Variants in NPY2R observed in about 807,000 individuals in gnomAD.
NPY2R encodes neuropeptide Y receptor type 2.
NPY2R carries 17 observed loss-of-function variants against 22.3 expected under a neutral mutation model. That is an observed-to-expected ratio of 0.76 (90% CI 0.52 to 1.14). The LOEUF is 1.14. Among genes scored for constraint, NPY2R ranks in the 50% most tolerant of loss-of-function variants. The pLI is 0.00. For synonymous variants in NPY2R, 209 were observed against 183.4 expected (o/e 1.14, Z -1.13); for missense variants, 424 against 467.9 (o/e 0.91, Z 0.87).
chr4:155,187,683 G>C, the NPY2R span, among the ~76,000 whole-genome samples: 2 of 151,958 alleles, frequency 1.3e-5, no homozygotes, highest in South Asian at 4.1e-4. Context: ...ATAAACACAT[G>C]GTTCATACAA....
At chr4:155,197,764 C>T in the NPY2R span, among the ~76,000 whole-genome samples, 1 of 150,858 alleles carries the variant, frequency 6.6e-6, no homozygotes, top group Non-Finnish European at 1.5e-5. Flanking sequence ...GGTCTGAGAG[C>T]AAAAACTTCA....
chr4:155,174,462 T>TTATATATATATATA, the NPY2R span, among the ~76,000 whole-genome samples: 117 of 116,600 alleles, frequency 1.0e-3, 5 homozygotes, highest in African/African-American at 4.5e-3. Flanking sequence ...TGGCTAAGCT[T>TTATATATATATATA]TATATATATA....
At chr4:155,186,654 G>A in the NPY2R span, among the ~76,000 whole-genome samples, 4 of 152,180 alleles carry the variant, frequency 2.6e-5, no homozygotes, top group East Asian at 3.9e-4. Context: ...TATAATGTTA[G>A]TAACTATACT....
chr4:155,199,044 G>C, the NPY2R span, among the ~76,000 whole-genome samples: 1 of 151,984 alleles, frequency 6.6e-6, no homozygotes, highest in African/African-American at 2.4e-5. Context: ...CAGTCTGGAA[G>C]TAGAAATTGC....
chr4:155,211,801 G>A (rs1277003257), intron 1 of NPY2R, among the ~76,000 whole-genome samples: 7 of 152,202 alleles, frequency 4.6e-5, no homozygotes, highest in Non-Finnish European at 1.0e-4. Context: ...AAGAGGTAGT[G>A]TGACCAAGGC....
chr4:155,204,217 G>A (rs201862776), upstream of NPY2R, among the ~76,000 whole-genome samples: 18 of 149,716 alleles, frequency 1.2e-4, no homozygotes, highest in East Asian at 2.5e-3. Flanking sequence ...AAAAAAAAAC[G>A]AAAAAGCTAG....
At position 155,208,810 on chromosome 4, in the gene NPY2R, C is replaced by T. The variant is rs1242419022; in HGVS notation, c.-308C>T. On this transcript the variant is annotated 5_prime_UTR_variant, in exon 1 of 2. Transcript: ENST00000329476. The surrounding 1 kb of genome is among the most constrained non-coding windows in gnomAD (Gnocchi z 5.6). ...TCCTCCCACCTTCACCCGCCCACCCCGCGAGTGAGTGCGGTGCCCAGGCGC... is the reference window on the plus strand; with the variant it reads ...TCCTCCCACCTTCACCCGCCCACCCTGCGAGTGAGTGCGGTGCCCAGGCGC... The T allele has an allele frequency of 6.6e-6, 1 of 152,260 alleles. No homozygotes were observed. The highest frequency in any genetic ancestry group is 2.4e-5 in the African/African-American group (1 of 41,458). 9.4% of individuals were successfully genotyped at this position (152,260 alleles called of 1,614,324 possible).
At chr4:155,175,730 C>T in the NPY2R span, among the ~76,000 whole-genome samples, 1 of 151,710 alleles carries the variant, frequency 6.6e-6, no homozygotes, top group South Asian at 2.1e-4. Context: ...GTGATGTGTA[C>T]TAATTTTCTG....
the NPY2R span, among the ~76,000 whole-genome samples, chr4:155,177,869 T>C: frequency 3.3e-5 from 5 of 152,068 alleles, no homozygotes; most frequent in Non-Finnish European, 7.4e-5. Context: ...CCCTGCCTTT[T>C]ATCACCACCA....
In NPY2R at chr4:155,214,913, A is replaced by G. The variant is rs553716729; in HGVS notation, c.974A>G (p.Tyr325Cys). The G allele has an allele frequency of 6.2e-7, 1 of 1,613,800 alleles. No homozygotes were observed. Among genetic ancestry groups the G allele is most frequent in the African/African-American group, 1.3e-5 (1 of 74,996 alleles). The change falls in exon 2 of 2, where the codon TAT (tyrosine) becomes TGT (cysteine). Residue 325 changes from tyrosine to cysteine, a missense_variant. Physicochemically the swap from Tyr to Cys is radical, Grantham distance 194. Coordinates refer to ENST00000329476, the MANE Select transcript of NPY2R (RefSeq NM_000910.4). Reference protein sequence around the residue: ...MCSTFANPLLYGWMNSNYRKA... With the variant: ...MCSTFANPLLCGWMNSNYRKA... ...TCCACTTTTGCCAATCCCCTTCTCT[A>G]TGGCTGGATGAACAGCAACTACAGA...
Position 155,216,953 on chromosome 4 carries a change from A to T in NPY2R, c.*1868A>T, listed in dbSNP as rs762730435. ...TACTGTGTTACATGTTGTATTAGTA[A>T]ATTATTAGAATCCAATTAATGATTC... On this transcript the variant is annotated 3_prime_UTR_variant, in exon 2 of 2. Coordinates refer to ENST00000329476, the MANE Select transcript of NPY2R (RefSeq NM_000910.4). 6.0e-6 allele frequency: 1 copy of T among 167,054 alleles called. No homozygotes were observed. Among genetic ancestry groups the T allele is most frequent in the African/African-American group, 2.4e-5 (1 of 41,464 alleles). 10.3% of individuals were successfully genotyped at this position (167,054 alleles called of 1,614,324 possible). A position where few individuals can be genotyped will look rare whatever the true frequency, so the allele number is the denominator to read the frequency against.
the NPY2R span, among the ~76,000 whole-genome samples, chr4:155,189,917 A>T: frequency 1.3e-5 from 2 of 151,958 alleles, no homozygotes; most frequent in East Asian, 3.9e-4. Flanking sequence ...TCTTTAAGTT[A>T]TATTGAGCTA....
At chr4:155,184,957 TTA>T in the NPY2R span, among the ~76,000 whole-genome samples, 1 of 148,054 alleles carries the variant, frequency 6.8e-6, no homozygotes, top group Non-Finnish European at 1.5e-5. Flanking sequence ...TATATATATA[TTA>T]TATATATTTA....
chr4:155,202,493 T>C, the NPY2R span, among the ~76,000 whole-genome samples: 1 of 152,296 alleles, frequency 6.6e-6, no homozygotes, highest in Non-Finnish European at 1.5e-5. Flanking sequence ...AATAAAGATT[T>C]CTTTGTAGGA....
chr4:155,177,287 C>G, the NPY2R span, among the ~76,000 whole-genome samples: 2 of 152,178 alleles, frequency 1.3e-5, no homozygotes, highest in Admixed American at 1.3e-4. Context: ...TGAAATCAAA[C>G]AAGTTATATG....
At chr4:155,188,484 C>T in the NPY2R span, among the ~76,000 whole-genome samples, 1 of 152,196 alleles carries the variant, frequency 6.6e-6, no homozygotes, top group African/African-American at 2.4e-5. Flanking sequence ...TTGTATAAAT[C>T]CCCCATCTTG....
At chr4:155,181,998 G>A in the NPY2R span, among the ~76,000 whole-genome samples, 1 of 152,154 alleles carries the variant, frequency 6.6e-6, no homozygotes, top group Non-Finnish European at 1.5e-5. Flanking sequence ...CAACTTGACT[G>A]TCAGGTGCAA....
chr4:155,194,919 A>G, the NPY2R span, among the ~76,000 whole-genome samples: 5 of 151,926 alleles, frequency 3.3e-5, no homozygotes, highest in Admixed American at 1.3e-4. Context: ...CTTTTTCATA[A>G]TAGCCATTCT....
the NPY2R span, among the ~76,000 whole-genome samples, chr4:155,190,334 T>A: frequency 6.6e-6 from 1 of 152,006 alleles, no homozygotes; most frequent in Non-Finnish European, 1.5e-5. Flanking sequence ...AATATGGCTA[T>A]TTAGAGTTTT....
Sources: allele counts gnomAD v4.1 joint callset (sites outside exome capture counted in the v4.1 genomes callset), GRCh38; gene constraint gnomAD v4.1.1; non-coding constraint Gnocchi (gnomAD v3.1); transcripts MANE v1.5; gene names NCBI Gene and HGNC (gene_info 2026-07-23, HGNC 2026-07-21).